The following PRKG1 variants were observed in gnomAD, a reference collection of about 807,000 sequenced individuals.
PRKG1 encodes protein kinase cGMP-dependent 1.
In PRKG1, 35 loss-of-function variants were observed where a neutral mutation model predicts 88.1. The observed-to-expected ratio is 0.40, with a 90% CI of 0.30 to 0.53. The LOEUF is 0.53. Among genes scored for constraint, PRKG1 ranks in the 20% least tolerant of loss-of-function variants. The probability of loss-of-function intolerance (pLI) is 0.59; values close to 1 mark genes in which losing one functional copy is unlikely to be tolerated. For missense variants in PRKG1, 540 were observed against 839.8 expected, an observed-to-expected ratio of 0.64 and a Z score of 4.41; for synonymous variants, 303 against 292.5, an observed-to-expected ratio of 1.04 and a Z score of -0.37.
chr10:51,969,466 C>G (rs182631191), intron 5 of PRKG1, among the ~76,000 whole-genome samples: 1 of 152,110 alleles, frequency 6.6e-6, no homozygotes, highest in Non-Finnish European at 1.5e-5. Flanking sequence ...GGATATATAA[C>G]TCAAGCCTTT....
chr10:51,051,021 T>C (rs1843554016), intron 1 of PRKG1, among the ~76,000 whole-genome samples: 1 of 152,086 alleles, frequency 6.6e-6, no homozygotes, highest in Admixed American at 6.6e-5. Flanking sequence ...GTTTTTTTGC[T>C]TTTGAGTCAT....
chr10:52,083,679 G>A (rs1846837131), intron 7 of PRKG1, among the ~76,000 whole-genome samples: 1 of 152,046 alleles, frequency 6.6e-6, no homozygotes, highest in Non-Finnish European at 1.5e-5. Flanking sequence ...TGAGAGGCAA[G>A]TATAAAGCAA....
chr10:51,699,132 T>C, intron 3 of PRKG1: 1 of 1,614,224 alleles, frequency 6.2e-7, no homozygotes. Context: ...AGCTCAAACA[T>C]CTGCTCCGGG....
At chr10:52,196,308 G>T (rs1443644565) in intron 9 of PRKG1, among the ~76,000 whole-genome samples, 1 of 152,096 alleles carries the variant, frequency 6.6e-6, no homozygotes, top group Non-Finnish European at 1.5e-5. Context: ...GAGCCACCGC[G>T]CCAGGCCAAG....
chr10:51,853,779 A>T (rs1007640142), intron 4 of PRKG1, among the ~76,000 whole-genome samples: 7 of 152,180 alleles, frequency 4.6e-5, no homozygotes, highest in Admixed American at 2.0e-4. Flanking sequence ...AGTCTCAAGG[A>T]AAAGGCTGAT....
At chr10:51,997,247 C>T (rs1264903662) in intron 5 of PRKG1, among the ~76,000 whole-genome samples, 2 of 151,892 alleles carry the variant, frequency 1.3e-5, no homozygotes, top group African/African-American at 4.8e-5. Context: ...CAGAGGCAGG[C>T]GGATCACGAG....
At chr10:52,230,975 T>C (rs1410311202) in intron 9 of PRKG1, 1 of 152,246 alleles carries the variant, frequency 6.6e-6, no homozygotes, top group Non-Finnish European at 1.5e-5. Flanking sequence ...TATCTAATTT[T>C]TTAATGGGGC....
chr10:51,018,112 G>A (rs535943999), intron 1 of PRKG1, among the ~76,000 whole-genome samples: 2 of 152,186 alleles, frequency 1.3e-5, no homozygotes, highest in South Asian at 2.1e-4. Context: ...ATGAGCCCCC[G>A]AGCCAGTGTT....
intron 17 of PRKG1, 106 bp from the exon 18 acceptor site, chr10:52,293,696 A>G (rs1470884250): frequency 7.1e-6 from 6 of 841,620 alleles, no homozygotes; most frequent in Admixed American, 2.1e-5. Context: ...TAGATACTCA[A>G]TGAAATAGTC....
chr10:52,034,070 T>C (rs544239821), intron 5 of PRKG1, among the ~76,000 whole-genome samples: 2 of 151,974 alleles, frequency 1.3e-5, no homozygotes, highest in Non-Finnish European at 2.9e-5. Flanking sequence ...ACTTCTTTTG[T>C]GGTGGAATGT....
chr10:51,600,393 A>G (rs933445292), intron 3 of PRKG1, among the ~76,000 whole-genome samples: 3 of 152,186 alleles, frequency 2.0e-5, no homozygotes, highest in Non-Finnish European at 4.4e-5. Flanking sequence ...TAAAGCTGGA[A>G]GTTGGGATAC....
intron 2 of PRKG1, among the ~76,000 whole-genome samples, chr10:51,193,295 A>T (rs1002147241): frequency 2.6e-5 from 4 of 151,972 alleles, no homozygotes; most frequent in African/African-American, 9.7e-5. Context: ...AATCACCTGG[A>T]GGTACTGTTG....
At chr10:51,405,726 A>G (rs752424646) in intron 2 of PRKG1, among the ~76,000 whole-genome samples, 3 of 152,170 alleles carry the variant, frequency 2.0e-5, no homozygotes, top group Non-Finnish European at 2.9e-5. Context: ...GCATGAGGCA[A>G]CCTTGCTCCC....
intron 2 of PRKG1, among the ~76,000 whole-genome samples, chr10:51,291,382 C>A (rs764504657): frequency 6.6e-6 from 1 of 152,088 alleles, no homozygotes; most frequent in Non-Finnish European, 1.5e-5. Flanking sequence ...GGGCCCCACT[C>A]GGATCTTCTT....
chr10:51,491,687 G>A (rs1334029873), intron 3 of PRKG1, among the ~76,000 whole-genome samples: 1 of 152,056 alleles, frequency 6.6e-6, no homozygotes, highest in Non-Finnish European at 1.5e-5. Context: ...CAGCAAATTA[G>A]CAATATTTTT....
intron 4 of PRKG1, 98 bp downstream of exon 4, chr10:51,804,788 T>C: frequency 1.3e-6 from 1 of 779,126 alleles, no homozygotes; most frequent in East Asian, 2.6e-5. Flanking sequence ...TTTTTGCCTT[T>C]CTCTCAGTCA....
chr10:51,917,184 T>C (rs140250958), intron 5 of PRKG1, among the ~76,000 whole-genome samples: 1,600 of 152,088 alleles, frequency 0.011, 12 homozygotes, highest in Non-Finnish European at 0.017. Flanking sequence ...CCAGGTGTGG[T>C]GGCACATGCC....
chr10:52,051,974 GTTC>G (rs1422136437), intron 5 of PRKG1, among the ~76,000 whole-genome samples: 1 of 138,584 alleles, frequency 7.2e-6, no homozygotes, highest in East Asian at 3.9e-4. Flanking sequence ...TGGGAAAGAT[GTTC>G]TCCTCTCCCG....
At chr10:51,837,602 A>G (rs923592081) in intron 4 of PRKG1, among the ~76,000 whole-genome samples, 7 of 152,002 alleles carry the variant, frequency 4.6e-5, no homozygotes, top group African/African-American at 1.7e-4. Flanking sequence ...TTGATTCTTC[A>G]TCTACTCTGG....
Sources: gnomAD v4.1 joint callset for allele counts (sites outside exome capture counted in the v4.1 genomes callset) on GRCh38, gnomAD v4.1.1 for gene constraint, MANE v1.5 for transcripts, NCBI Gene and HGNC (gene_info 2026-07-23, HGNC 2026-07-21) for gene names.